The following XYLT1 variants were observed in gnomAD, a reference collection of about 807,000 sequenced individuals.
The protein encoded by XYLT1 is beta-D-xylosyltransferase 1.
In XYLT1, 36 loss-of-function variants were observed where a neutral mutation model predicts 91.3. That is an observed-to-expected ratio of 0.39 (90% CI 0.30 to 0.52). XYLT1 has a LOEUF of 0.52. Among genes scored for constraint, XYLT1 ranks in the 20% least tolerant of loss-of-function variants. XYLT1 has a pLI of 0.68. For synonymous variants in XYLT1, 588 were observed against 532.0 expected (o/e 1.11, Z -1.45); for missense variants, 1,242 against 1,284.5 (o/e 0.97, Z 0.51).
intron 2 of XYLT1, among the ~76,000 whole-genome samples, chr16:17,322,608 GTA>G (rs2034741171): frequency 6.6e-6 from 1 of 152,198 alleles, no homozygotes; most frequent in South Asian, 2.1e-4. Context: ...TCCTGATGAT[GTA>G]TATGTCTTCA....
chr16:17,417,019 C>G (rs1364965348), intron 1 of XYLT1, among the ~76,000 whole-genome samples: 1 of 152,154 alleles, frequency 6.6e-6, no homozygotes, highest in African/African-American at 2.4e-5. Context: ...CAGGACTACA[C>G]TTAACAGTTT....
chr16:17,205,935 G>A (rs986301340), intron 3 of XYLT1, among the ~76,000 whole-genome samples: 5 of 152,146 alleles, frequency 3.3e-5, no homozygotes, highest in African/African-American at 1.2e-4. Context: ...GTTGGGTCTT[G>A]GGAACACAGA....
Position 17,108,734 on chromosome 16 carries a change from C to T in XYLT1, c.2841G>A (p.Ser947=), listed in dbSNP as rs755737706. Reference sequence around the variant, plus strand: ...CATCAGGTTTGACTGCCCCCAGCTCCGACTTGGGGTCAGGGCTGAAGGAGC... The same window carrying T: ...CATCAGGTTTGACTGCCCCCAGCTCTGACTTGGGGTCAGGGCTGAAGGAGC... The part of the protein sequence containing the change: ...AWSSFSPDPK[S]ELGAVKPDGR... The change falls in exon 12 of 12, where the codon TCG becomes TCA. Residue 947 remains serine (S), a synonymous_variant. Transcript: ENST00000261381. The T allele has an allele frequency of 1.5e-5, 24 of 1,598,106 alleles. No homozygotes were observed. The Admixed American group carries it at 1.8e-4, about 12-fold the overall frequency.
At chr16:17,293,118 A>G (rs2034255688) in intron 2 of XYLT1, among the ~76,000 whole-genome samples, 1 of 152,162 alleles carries the variant, frequency 6.6e-6, no homozygotes, top group East Asian at 1.9e-4. Flanking sequence ...TTCCAAGAAG[A>G]CTTTTACTGG....
chr16:17,232,405 C>CTG (rs1199361319), intron 3 of XYLT1, among the ~76,000 whole-genome samples: 10,445 of 118,874 alleles, frequency 0.088, 1,030 homozygotes, highest in African/African-American at 0.25. Flanking sequence ...GTGTCTGTGT[C>CTG]TGTGTGTGTG....
At chr16:17,187,566 CAAAAAAAAAAA>C (rs57130941) in intron 5 of XYLT1, among the ~76,000 whole-genome samples, 1 of 57,238 alleles carries the variant, frequency 1.7e-5, no homozygotes, top group South Asian at 1.0e-3. Flanking sequence ...AACGCTGTCT[CAAAAAAAAAAA>C]AAAAAAAAAA....
chr16:17,158,724 C>T (rs1301174768), intron 6 of XYLT1, 105 bp downstream of exon 6: 3 of 1,256,386 alleles, frequency 2.4e-6, no homozygotes, highest in Admixed American at 3.5e-5. Context: ...CTTTCTCCCA[C>T]CCTCAACCTT....
intron 10 of XYLT1, among the ~76,000 whole-genome samples, chr16:17,125,618 T>A (rs7200513): frequency 6.6e-5 from 10 of 152,012 alleles, no homozygotes; most frequent in South Asian, 2.1e-4. Flanking sequence ...AGTGATCTCC[T>A]TAGAAAAGCC....
At chr16:17,384,395 G>T (rs1160864468) in intron 1 of XYLT1, among the ~76,000 whole-genome samples, 1 of 151,744 alleles carries the variant, frequency 6.6e-6, no homozygotes, top group Non-Finnish European at 1.5e-5. Context: ...CAGAAAAGAG[G>T]TCACCCACTG....
intron 2 of XYLT1, among the ~76,000 whole-genome samples, chr16:17,337,554 G>T (rs762221164): frequency 1.3e-5 from 2 of 152,072 alleles, no homozygotes; most frequent in African/African-American, 4.8e-5. Flanking sequence ...AGGACTTCAC[G>T]TTGCTAAATC....
chr16:17,189,072 C>A (rs2032252427), intron 5 of XYLT1, among the ~76,000 whole-genome samples: 1 of 152,162 alleles, frequency 6.6e-6, no homozygotes, highest in Non-Finnish European at 1.5e-5. Context: ...TCAGAAGGAG[C>A]CCTGTCTCCT....
At chr16:17,147,887 C>A (rs1005131501) in intron 6 of XYLT1, among the ~76,000 whole-genome samples, 1 of 152,192 alleles carries the variant, frequency 6.6e-6, no homozygotes, top group Non-Finnish European at 1.5e-5. Flanking sequence ...GGCTCTCTCA[C>A]CTGAGGCGTG....
chr16:17,199,353 C>T (rs2032489893), intron 4 of XYLT1, among the ~76,000 whole-genome samples: 1 of 152,214 alleles, frequency 6.6e-6, no homozygotes, highest in African/African-American at 2.4e-5. Context: ...GGTACACAGC[C>T]ATGCTCATTT....
chr16:17,286,144 A>G (rs552260563), intron 2 of XYLT1, among the ~76,000 whole-genome samples: 60 of 152,298 alleles, frequency 3.9e-4, no homozygotes, highest in Admixed American at 2.6e-3. Flanking sequence ...AGACTCAAAA[A>G]GGCTAGGACA....
At position 17,198,233 on chromosome 16, in the gene XYLT1, C is replaced by A; in HGVS notation, c.1268G>T (p.Ser423Ile). Residue 423 changes from serine (S) to isoleucine (I), a missense_variant, in exon 5 of 12, where the codon AGT becomes ATT. Around this residue, in one of 3 missense-constraint regions of XYLT1, gnomAD observed 294 missense variants for 376.0 expected, o/e 0.78. Coordinates refer to ENST00000261381, the MANE Select transcript of XYLT1 (RefSeq NM_022166.4). ...TTACCTGATGGGGTAGTCGGCCGCA[C>A]TCAGGTTGATGAAGAAGTCCCAGGG... ...DWPWDFFINL[S>I]AADYPIRTND... 6.2e-7 allele frequency: 1 copy of A among 1,614,166 alleles called. No homozygotes were observed. Among genetic ancestry groups the A allele is most frequent in the Non-Finnish European group, 8.5e-7 (1 of 1,180,024 alleles).
chr16:17,273,462 T>C (rs11075346), intron 2 of XYLT1, among the ~76,000 whole-genome samples: 101,200 of 152,134 alleles, frequency 0.67, 35,908 homozygotes, highest in African/African-American at 0.91. Flanking sequence ...ACGTGTTAGA[T>C]GTGCAGAATC....
intron 2 of XYLT1, among the ~76,000 whole-genome samples, chr16:17,318,300 C>A (rs2034666943): frequency 1.3e-5 from 2 of 152,242 alleles, no homozygotes; most frequent in African/African-American, 4.8e-5. Context: ...AGCCTCATCA[C>A]AGGACACTCT....
intron 1 of XYLT1, among the ~76,000 whole-genome samples, chr16:17,396,312 G>A (rs1340065015): frequency 2.0e-5 from 3 of 152,168 alleles, no homozygotes; most frequent in African/African-American, 4.8e-5. Context: ...GAAGCAAAGC[G>A]TTATTTGCTT....
intron 2 of XYLT1, among the ~76,000 whole-genome samples, chr16:17,294,964 C>T (rs1413156476): frequency 4.6e-5 from 7 of 152,146 alleles, no homozygotes; most frequent in Non-Finnish European, 1.0e-4. Context: ...TTTATTCTAG[C>T]ACAGGGACAC....
Sources: allele counts gnomAD v4.1 joint callset (sites outside exome capture counted in the v4.1 genomes callset), GRCh38; gene constraint gnomAD v4.1.1; regional missense constraint gnomAD v4.1.1; transcripts MANE v1.5; gene names NCBI Gene and HGNC (gene_info 2026-07-23, HGNC 2026-07-21).